The following NACC2 variants were observed in gnomAD, a reference collection of about 807,000 sequenced individuals.
NACC2 encodes the protein NACC family member 2.
Under a neutral mutation model 25.1 loss-of-function variants are expected in NACC2, and 8 were observed. That is an observed-to-expected ratio of 0.32 (90% CI 0.19 to 0.57). The LOEUF is 0.57. Among genes scored for constraint, NACC2 ranks in the 20% least tolerant of loss-of-function variants. NACC2 has a pLI of 0.89. For missense variants in NACC2, 644 were observed against 650.2 expected (o/e 0.99, Z 0.10); for synonymous variants, 435 against 294.7 (o/e 1.48, Z -4.88).
In NACC2 at chr9:136,085,163, TG is replaced by T. The variant is rs376063836; in HGVS notation, c.-60+10025del. On this transcript the variant is annotated intron_variant, in intron 1 of 5. Transcript: ENST00000277554. ...TTTTTTTTTTTTTTTTTTTTTTTTT[TG>T]GCGAGACTGAGTTTCGCTCTTGTCG... 2.1e-4 allele frequency among the ~76,000 whole-genome samples: 28 copies of T among 133,208 alleles called. 3 individuals are homozygous for T. The highest frequency in any genetic ancestry group is 7.1e-4 in the African/African-American group (25 of 35,392). The allele number at this position is 133,208 out of a possible 152,430, so 87.4% of individuals were successfully genotyped here. A position where few individuals can be genotyped will look rare whatever the true frequency, so the allele number is the denominator to read the frequency against.
At chr9:136,090,154 C>T (rs1830420398) in intron 1 of NACC2, among the ~76,000 whole-genome samples, 1 of 152,264 alleles carries the variant, frequency 6.6e-6, no homozygotes, top group South Asian at 2.1e-4. Context: ...CTTCCCCTTT[C>T]TTGGCACAGA....
At chr9:136,091,396 G>A (rs1830432642) in intron 1 of NACC2, among the ~76,000 whole-genome samples, 1 of 152,176 alleles carries the variant, frequency 6.6e-6, no homozygotes, top group Non-Finnish European at 1.5e-5. Context: ...CCAGGGTTCT[G>A]GCTGCCAAGT....
At chr9:136,064,731 T>C (rs953744038) in intron 1 of NACC2, among the ~76,000 whole-genome samples, 18 of 152,310 alleles carry the variant, frequency 1.2e-4, no homozygotes, top group Middle Eastern at 3.4e-3. Flanking sequence ...TAAAAATTCA[T>C]ATGGAAACGC....
At chr9:136,015,605 G>A (rs539447861) in intron 3 of NACC2, among the ~76,000 whole-genome samples, 12 of 152,288 alleles carry the variant, frequency 7.9e-5, no homozygotes, top group African/African-American at 2.6e-4. Flanking sequence ...ACAGGGCTAC[G>A]CAGAACTGCT....
chr9:136,040,940 G>A (rs910010616), intron 2 of NACC2, among the ~76,000 whole-genome samples: 2 of 150,266 alleles, frequency 1.3e-5, no homozygotes, highest in Non-Finnish European at 3.0e-5. Context: ...CAGCCCAGGC[G>A]ACAGAGTGAG....
chr9:136,051,005 G>A (rs1032260806), intron 1 of NACC2, among the ~76,000 whole-genome samples: 4 of 152,218 alleles, frequency 2.6e-5, no homozygotes, highest in Non-Finnish European at 5.9e-5. Context: ...AGGAGCTCCC[G>A]GGAGGGGCCG....
In NACC2 at chr9:136,007,376, TAC is replaced by T. The variant is rs576643146; in HGVS notation, c.*4138_*4139del. ...ACACACAGACACACGCGTGCACACA[TAC>T]ACAGACACGCGTGCAGAGACACGCA... On this transcript the variant is annotated 3_prime_UTR_variant, in exon 6 of 6. Coordinates refer to ENST00000277554, the MANE Select transcript of NACC2 (RefSeq NM_144653.5). 1.7e-3 allele frequency: 256 copies of T among 149,378 alleles called. 2 individuals carry two copies. The South Asian group carries it at 0.021, about 12-fold the overall frequency. The allele number at this position is 149,378 out of a possible 1,614,324, so 9.3% of individuals were successfully genotyped here.
rs7860379 is a variant in NACC2 at position 136,027,190 on chromosome 9, C to A, written c.887-10761G>T. 4.2e-3 allele frequency among the ~76,000 whole-genome samples: 634 copies of A among 152,180 alleles called. 7 individuals carry two copies. The highest frequency in any genetic ancestry group is 0.015 in the African/African-American group (605 of 41,498). Reference sequence around the variant, plus strand: ...CAGTGAGCCGAGATAGCGCCACTGCCCTCCAGCCTGGACGATGGAGCAAGA... The same window carrying A: ...CAGTGAGCCGAGATAGCGCCACTGCACTCCAGCCTGGACGATGGAGCAAGA... On this transcript the variant is annotated intron_variant, in intron 2 of 5. Transcript: ENST00000277554.
In NACC2 at chr9:136,043,955, G is replaced by A. The variant is rs997160843; in HGVS notation, c.886+5681C>T. On this transcript the variant is annotated intron_variant, in intron 2 of 5. Coordinates refer to ENST00000277554, the MANE Select transcript of NACC2 (RefSeq NM_144653.5). ...TCCTCCTGCCTCAGCCTCCAGAGTA[G>A]CTGGGACTACAAGCGTGCATCACCA... Among the ~76,000 whole-genome samples the A allele has an allele frequency of 2.6e-5, 4 of 152,264 alleles. No individual in the cohort carries two copies. In the South Asian group the frequency reaches 8.3e-4, roughly 32 times the overall value.
At chr9:136,087,878 C>T (rs909181060) in intron 1 of NACC2, among the ~76,000 whole-genome samples, 10 of 152,228 alleles carry the variant, frequency 6.6e-5, no homozygotes, top group Non-Finnish European at 1.0e-4. Context: ...AAGCCCTCCC[C>T]GTCCCTTGTC....
At chr9:136,052,127 CAG>C (rs907209227) in intron 1 of NACC2, among the ~76,000 whole-genome samples, 1 of 152,218 alleles carries the variant, frequency 6.6e-6, no homozygotes, top group Non-Finnish European at 1.5e-5. Flanking sequence ...GCTTTAAAAA[CAG>C]TGGAGTGTTG....
chr9:136,066,211 A>G (rs1042349141), intron 1 of NACC2, among the ~76,000 whole-genome samples: 1 of 133,370 alleles, frequency 7.5e-6, no homozygotes, highest in African/African-American at 2.5e-5. Flanking sequence ...AAAAAGAAAG[A>G]AAGAAAAAGA....
chr9:136,090,744 T>A (rs1027071393), intron 1 of NACC2, among the ~76,000 whole-genome samples: 1 of 152,158 alleles, frequency 6.6e-6, no homozygotes, highest in Non-Finnish European at 1.5e-5. Context: ...CGGAGGCTGA[T>A]GCTCTACCCC....
intron 1 of NACC2, among the ~76,000 whole-genome samples, chr9:136,091,594 G>T (rs965119362): frequency 1.3e-5 from 2 of 152,218 alleles, no homozygotes; most frequent in African/African-American, 4.8e-5. Context: ...AATACTTCCA[G>T]ACAGATGCCT....
In NACC2 at chr9:136,047,026, C is replaced by A. The variant is rs1359830416; in HGVS notation, c.886+2610G>T. On this transcript the variant is annotated intron_variant, in intron 2 of 5. Transcript: ENST00000277554. ...GGGACCCTCGGCAATCGCTCAGGCC[C>A]GCCTCTCACTCAACAGGTAGGGAGA... Among the ~76,000 whole-genome samples, 3 of 152,136 alleles carry A rather than the reference C, an allele frequency of 2.0e-5. No homozygotes were observed. In the East Asian group the frequency reaches 5.8e-4, roughly 29 times the overall value.
rs7851993 is a variant in NACC2, at chr9:136,032,393, C to A, written c.887-15964G>T. Reference sequence around the variant, plus strand: ...GCAACACTTACGAGGAAAAAAAAAACCCTCTTAACCTAGGAAATGAAATAA... The same window carrying A: ...GCAACACTTACGAGGAAAAAAAAAAACCTCTTAACCTAGGAAATGAAATAA... On this transcript the variant is annotated intron_variant, in intron 2 of 5. Transcript: ENST00000277554. 5.0e-3 allele frequency among the ~76,000 whole-genome samples: 758 copies of A among 151,876 alleles called. 12 individuals are homozygous for A. The highest frequency in any genetic ancestry group is 0.017 in the African/African-American group (702 of 41,450).
intron 1 of NACC2, among the ~76,000 whole-genome samples, chr9:136,087,275 C>T (rs1379812621): frequency 6.6e-6 from 1 of 152,244 alleles, no homozygotes; most frequent in Non-Finnish European, 1.5e-5. Context: ...GGAGCACTCT[C>T]TGAGGCTTCC....
At chr9:136,058,821 G>A (rs1588575154) in intron 1 of NACC2, among the ~76,000 whole-genome samples, 1 of 152,252 alleles carries the variant, frequency 6.6e-6, no homozygotes, top group African/African-American at 2.4e-5. Context: ...GCCTCACGCT[G>A]GGGCATGGGA....
chr9:136,094,207 C>T (rs1244661049), intron 1 of NACC2, among the ~76,000 whole-genome samples: 1 of 152,182 alleles, frequency 6.6e-6, no homozygotes, highest in African/African-American at 2.4e-5. Flanking sequence ...GGCCCACCAG[C>T]ACGTGGGTGA....
Sources: gnomAD v4.1 joint callset for allele counts (sites outside exome capture counted in the v4.1 genomes callset) on GRCh38, gnomAD v4.1.1 for gene constraint, MANE v1.5 for transcripts, NCBI Gene and HGNC (gene_info 2026-07-23, HGNC 2026-07-21) for gene names.